Variants in BPIFB3 observed in about 807,000 individuals in gnomAD.
The protein encoded by BPIFB3 is BPI fold containing family B member 3.
A neutral mutation model predicts 53.1 loss-of-function variants in BPIFB3; 49 were observed. That is an observed-to-expected ratio of 0.92 (90% CI 0.73 to 1.17). The LOEUF is 1.17. Ranked by LOEUF, BPIFB3 falls within the 50% of genes most tolerant of loss-of-function variation. The pLI, the probability that BPIFB3 is intolerant of heterozygous loss-of-function variation, is 0.00. For synonymous variants in BPIFB3, 271 were observed against 269.6 expected (o/e 1.01, Z -0.05); for missense variants, 628 against 592.5 (o/e 1.06, Z -0.62).
At chr20:33,064,632 A>T (rs1380688910) in intron 7 of BPIFB3, 34 bp from the exon 9 acceptor site, 4 of 1,613,214 alleles carry the variant, frequency 2.5e-6, no homozygotes, top group African/African-American at 1.3e-5. Context: ...GAGCACCTTA[A>T]GACCCTCCTC....
At chr20:33,065,714 C>A (rs918843744) in intron 8 of BPIFB3, among the ~76,000 whole-genome samples, 1 of 152,206 alleles carries the variant, frequency 6.6e-6, no homozygotes, top group South Asian at 2.1e-4. Context: ...TCCATTCTGG[C>A]CCCTCTGACA....
At chr20:33,069,191 G>C (rs1416376233) in intron 10 of BPIFB3, among the ~76,000 whole-genome samples, 1 of 152,082 alleles carries the variant, frequency 6.6e-6, no homozygotes, top group East Asian at 1.9e-4. Flanking sequence ...ATGTCTGCCT[G>C]GGCCTGTTTG....
exon 8 of BPIFB3, chr20:33,064,809 C>A (rs760593622): frequency 6.2e-7 from 1 of 1,613,798 alleles, no homozygotes; most frequent in South Asian, 1.1e-5. Context: ...TCCTGCAGAC[C>A]AACGGCGCCC....
exon 6 of BPIFB3, chr20:33,063,663 G>A: frequency 3.7e-6 from 6 of 1,613,924 alleles, no homozygotes; most frequent in Non-Finnish European, 5.1e-6. Context: ...TGAGCTCCTG[G>A]GGGCTGTGCT....
At chr20:33,055,476 C>T (rs1486001052) in exon 1 of BPIFB3, 6 of 1,613,674 alleles carry the variant, frequency 3.7e-6, no homozygotes, top group Admixed American at 1.7e-5. Flanking sequence ...TGGGGCCTGG[C>T]GACTCCATGC....
At position 33,073,568 on chromosome 20, in the gene BPIFB3, C is replaced by A; in HGVS notation, c.1402-8C>A. 6.2e-7 allele frequency: 1 copy of A among 1,613,922 alleles called. No homozygotes were observed. The highest frequency in any genetic ancestry group is 8.5e-7 in the Non-Finnish European group (1 of 1,179,924). On this transcript the variant is annotated splice_polypyrimidine_tract_variant and splice_region_variant and intron_variant, in intron 14 of 14. Coordinates refer to ENST00000375494, the Ensembl canonical transcript of BPIFB3. ...AGGGGTGTAACCAAGAGCGGTTGTT[C>A]CTTACAGAATGCTGTTGTGCTGACC...
At chr20:33,064,631 A>G (rs934721019) in intron 7 of BPIFB3, 35 bp from the exon 9 acceptor site, 2 of 1,613,066 alleles carry the variant, frequency 1.2e-6, no homozygotes, top group Non-Finnish European at 1.7e-6. Flanking sequence ...TGAGCACCTT[A>G]AGACCCTCCT....
chr20:33,069,149 C>T (rs887829183), intron 10 of BPIFB3, among the ~76,000 whole-genome samples, 176 bp downstream of exon 11: 3 of 152,136 alleles, frequency 2.0e-5, no homozygotes, highest in African/African-American at 4.8e-5. Context: ...GACCCAAGCC[C>T]CTGCTTCAGT....
At chr20:33,055,306 G>A (rs890763924), upstream of BPIFB3, 8 of 1,466,764 alleles carry the variant, frequency 5.5e-6, no homozygotes, top group Non-Finnish European at 5.5e-6. Context: ...TGGGAGTGAA[G>A]CTCAATTTGG....
intron 10 of BPIFB3, 139 bp from the exon 12 acceptor site, chr20:33,069,749 T>C: frequency 1.2e-6 from 1 of 826,870 alleles, no homozygotes; most frequent in Non-Finnish European, 2.0e-6. Flanking sequence ...CAAATTACCT[T>C]CTCAGGGCTC....
chr20:33,055,027 C>G (rs1452960694), upstream of BPIFB3, among the ~76,000 whole-genome samples: 1 of 152,240 alleles, frequency 6.6e-6, no homozygotes, highest in East Asian at 1.9e-4. Flanking sequence ...CTGCAGCTGT[C>G]ACTCCAGACA....
intron 10 of BPIFB3, 25 bp downstream of exon 11, chr20:33,068,998 G>T: frequency 6.2e-7 from 1 of 1,603,264 alleles, no homozygotes; most frequent in Non-Finnish European, 8.5e-7. Context: ...GGTGGCTGGG[G>T]GCCCGGCATT....
At chr20:33,063,270 G>A (rs969978302) in intron 5 of BPIFB3, among the ~76,000 whole-genome samples, 1 of 152,180 alleles carries the variant, frequency 6.6e-6, no homozygotes, top group Non-Finnish European at 1.5e-5. Flanking sequence ...GTGACTTTAT[G>A]GGGAACCAAA....
chr20:33,067,163 G>C lies in BPIFB3; in HGVS notation c.978+286G>C, dbSNP rs541333265. ...GACAAAAGTCTTTTCAGGTTACTGA[G>C]CTCCCTTCTACCAACTGGCTTACTT... is the stretch of plus-strand genomic sequence containing the variant. On this transcript the variant is annotated intron_variant, in intron 9 of 14. Transcript: ENST00000375494. Among the ~76,000 whole-genome samples, 3 of 152,350 alleles carry C rather than the reference G, an allele frequency of 2.0e-5. No individual in the cohort carries two copies. In the East Asian group the frequency reaches 5.8e-4, roughly 29 times the overall value.
exon 4 of BPIFB3, chr20:33,059,984 C>T (rs1291043280): frequency 3.1e-6 from 5 of 1,614,068 alleles, no homozygotes; most frequent in Non-Finnish European, 4.2e-6. Flanking sequence ...CCATCCTTAT[C>T]CTCAAGCGCT....
At chr20:33,072,221 C>A in intron 13 of BPIFB3, 54 bp downstream of exon 14, 1 of 1,565,314 alleles carries the variant, frequency 6.4e-7, no homozygotes, top group Non-Finnish European at 8.8e-7. Context: ...TTGGTATTGT[C>A]TAGTCTGTTG....
At chr20:33,069,921 G>T (rs375472654) in exon 11 of BPIFB3, 12 of 1,614,168 alleles carry the variant, frequency 7.4e-6, no homozygotes, top group Non-Finnish European at 9.3e-6. Flanking sequence ...GGCTCCCTCG[G>T]CTACCAAGCT....
At chr20:33,057,342 C>A (rs1322148740) in intron 2 of BPIFB3, among the ~76,000 whole-genome samples, 2 of 152,062 alleles carry the variant, frequency 1.3e-5, no homozygotes, top group African/African-American at 4.8e-5. Context: ...GCGCCCACCA[C>A]CACGACGGGC....
chr20:33,071,183 G>A, intron 11 of BPIFB3, 70 bp from the exon 13 acceptor site: 2 of 1,449,504 alleles, frequency 1.4e-6, no homozygotes, highest in Non-Finnish European at 1.9e-6. Context: ...GCTATGGTGG[G>A]GCAGGCTGGG....
Sources: gnomAD v4.1 joint callset for allele counts (sites outside exome capture counted in the v4.1 genomes callset) on GRCh38, gnomAD v4.1.1 for gene constraint, MANE v1.5 for transcripts, NCBI Gene and HGNC (gene_info 2026-07-23, HGNC 2026-07-21) for gene names.